The following GRAMD1C variants were observed in gnomAD, a reference collection of about 807,000 sequenced individuals.
GRAMD1C encodes the protein GRAM domain containing 1C, also known as protein Aster-C.
Under a neutral mutation model 97.8 loss-of-function variants are expected in GRAMD1C, and 89 were observed. The observed-to-expected ratio is 0.91, with a 90% confidence interval of 0.77 to 1.09. The LOEUF is 1.09. Ranked by LOEUF, GRAMD1C falls within the 50% of genes least tolerant of loss-of-function variation. GRAMD1C has a pLI of 0.00. For missense variants in GRAMD1C, 740 were observed against 766.4 expected, an observed-to-expected ratio of 0.97 and a Z score of 0.41; for synonymous variants, 256 against 267.0, an observed-to-expected ratio of 0.96 and a Z score of 0.40.
At chr3:113,864,710 G>A (rs935785754) in intron 2 of GRAMD1C, among the ~76,000 whole-genome samples, 1 of 152,132 alleles carries the variant, frequency 6.6e-6, no homozygotes, top group South Asian at 2.1e-4. Flanking sequence ...TTCTACGGAC[G>A]TTCTGTTCAC....
chr3:113,893,535 C>A (rs1389308654), intron 6 of GRAMD1C, among the ~76,000 whole-genome samples: 1 of 152,176 alleles, frequency 6.6e-6, no homozygotes, highest in Non-Finnish European at 1.5e-5. Context: ...ATTACAGTTA[C>A]AATTCTATGG....
chr3:113,889,656 T>TC (rs1935640260), intron 6 of GRAMD1C, among the ~76,000 whole-genome samples: 1 of 151,858 alleles, frequency 6.6e-6, no homozygotes, highest in Non-Finnish European at 1.5e-5. Flanking sequence ...TTTTTTTTTT[T>TC]CGAGATGGAG....
Position 113,892,045 on chromosome 3 carries a change from GT to G in GRAMD1C, c.541-8985del, listed in dbSNP as rs1162577457. ...TTCATTAAAGTACTATAAAATGATAGTAAAATTATGTTTGTGTGCATTTGTT... is the reference window on the plus strand; with the variant it reads ...TTCATTAAAGTACTATAAAATGATAGAAAATTATGTTTGTGTGCATTTGTT... On this transcript the variant is annotated intron_variant, in intron 6 of 17. Transcript: ENST00000358160. 2.6e-5 allele frequency among the ~76,000 whole-genome samples: 4 copies of G among 151,968 alleles called. 1 individual carries two copies. The highest frequency in any genetic ancestry group is 4.4e-5 in the Non-Finnish European group (3 of 68,004).
chr3:113,892,655 C>T (rs1935781678), intron 6 of GRAMD1C, among the ~76,000 whole-genome samples: 1 of 152,158 alleles, frequency 6.6e-6, no homozygotes, highest in African/African-American at 2.4e-5. Flanking sequence ...GCTTAGTTCA[C>T]AGTCTGTGAG....
At position 113,838,921 on chromosome 3, in the gene GRAMD1C, T is replaced by C; in HGVS notation, c.12T>C (p.Ala4=). Residue 4 remains alanine (A), a synonymous_variant, in exon 1 of 18, where the codon GCT becomes GCC. Transcript: ENST00000358160. ...CGGAGGGAGCCGCGATGGAGGGCGCTCCGACTGTCCGTCAGGTAAGCCGCG... is the reference window on the plus strand; with the variant it reads ...CGGAGGGAGCCGCGATGGAGGGCGCCCCGACTGTCCGTCAGGTAAGCCGCG... MEG[A]PTVRQVMNEG... The C allele has an allele frequency of 8.4e-7, 1 of 1,189,454 alleles. No individual in the cohort carries two copies. The highest frequency in any genetic ancestry group is 2.0e-5 in the African/African-American group (1 of 51,176). 73.7% of individuals were successfully genotyped at this position (1,189,454 alleles called of 1,614,324 possible).
intron 6 of GRAMD1C, among the ~76,000 whole-genome samples, chr3:113,893,030 GT>G (rs1242263550): frequency 6.6e-6 from 1 of 152,062 alleles, no homozygotes; most frequent in Non-Finnish European, 1.5e-5. Context: ...CATAAATAAA[GT>G]TTTATTGGAA....
chr3:113,843,202 A>G (rs369580552), intron 1 of GRAMD1C, among the ~76,000 whole-genome samples: 8 of 151,896 alleles, frequency 5.3e-5, no homozygotes, highest in African/African-American at 1.9e-4. Context: ...AGCCTCCTGA[A>G]CAACTGGGAC....
chr3:113,842,931 C>T (rs1559773664), intron 1 of GRAMD1C, among the ~76,000 whole-genome samples: 1 of 150,672 alleles, frequency 6.6e-6, no homozygotes, highest in South Asian at 2.1e-4. Flanking sequence ...CCACTGCACT[C>T]GAGCCTAGGC....
intron 2 of GRAMD1C, among the ~76,000 whole-genome samples, chr3:113,868,304 TTTTG>T (rs1934662018): frequency 6.6e-6 from 1 of 152,172 alleles, no homozygotes; most frequent in Admixed American, 6.5e-5. Flanking sequence ...TATTTCTGTT[TTTTG>T]TTCTGTTTTT....
chr3:113,932,614 A>T (rs559204836), intron 11 of GRAMD1C, among the ~76,000 whole-genome samples: 1 of 152,338 alleles, frequency 6.6e-6, no homozygotes, highest in East Asian at 1.9e-4. Flanking sequence ...TATAATACAC[A>T]TAAGAGATTA....
chr3:113,927,910 A>G (rs1331343746), intron 10 of GRAMD1C, among the ~76,000 whole-genome samples: 2 of 152,162 alleles, frequency 1.3e-5, no homozygotes, highest in Non-Finnish European at 1.5e-5. Flanking sequence ...ATTCCGTTCC[A>G]GGGTCCAAGG....
chr3:113,877,848 G>A (rs186553607), intron 5 of GRAMD1C, among the ~76,000 whole-genome samples: 182 of 151,660 alleles, frequency 1.2e-3, no homozygotes, highest in African/African-American at 4.3e-3. Context: ...TGTGATCTTC[G>A]CTTACTGCAA....
Position 113,939,929 on chromosome 3 carries a change from C to T in GRAMD1C, c.1735C>T (p.Leu579=). The T allele has an allele frequency of 6.2e-7, 1 of 1,609,544 alleles. No homozygotes were observed. Among genetic ancestry groups the T allele is most frequent in the East Asian group, 2.2e-5 (1 of 44,838 alleles). ...VLLNVTLFLK[L]SKIEHAAQSF... ...GTTGAATGTGACACTGTTTCTGAAG[C>T]TGTCAAAGATAGAACATGCTGCTCA... The change falls in exon 16 of 18, where the codon CTG becomes TTG. Residue 579 remains leucine (L), a synonymous_variant. Coordinates refer to ENST00000358160, the MANE Select transcript of GRAMD1C (RefSeq NM_017577.5).
intron 10 of GRAMD1C, among the ~76,000 whole-genome samples, chr3:113,920,779 G>T (rs975811001): frequency 1.3e-4 from 20 of 152,094 alleles, no homozygotes; most frequent in East Asian, 7.7e-4. Context: ...CTGACCTCAG[G>T]TGATCCACCT....
chr3:113,940,434 C>T, intron 17 of GRAMD1C, 89 bp downstream of exon 17: 2 of 750,154 alleles, frequency 2.7e-6, no homozygotes, highest in South Asian at 1.8e-5. Flanking sequence ...ATTTACCCTA[C>T]TATCGTTTGA....
At chr3:113,849,107 T>C (rs1431584707) in intron 2 of GRAMD1C, among the ~76,000 whole-genome samples, 1 of 152,102 alleles carries the variant, frequency 6.6e-6, no homozygotes, top group Admixed American at 6.5e-5. Context: ...CTGCAACATA[T>C]GCATTTATTT....
At chr3:113,894,816 G>A (rs1276956451) in intron 6 of GRAMD1C, among the ~76,000 whole-genome samples, 1 of 152,102 alleles carries the variant, frequency 6.6e-6, no homozygotes, top group Admixed American at 6.6e-5. Context: ...AGATTCAGGG[G>A]TAAAGTAATG....
At position 113,876,153 on chromosome 3, in the gene GRAMD1C, T is replaced by G. The variant is rs1935022352; in HGVS notation, c.364-12T>G. 7.4e-7 allele frequency: 1 copy of G among 1,352,844 alleles called. No individual in the cohort carries two copies. The highest frequency in any genetic ancestry group is 2.3e-5 in the East Asian group (1 of 43,638). The allele number at this position is 1,352,844 out of a possible 1,614,324, so 83.8% of individuals were successfully genotyped here. A position where few individuals can be genotyped will look rare whatever the true frequency, so the allele number is the denominator to read the frequency against. On this transcript the variant is annotated splice_polypyrimidine_tract_variant and intron_variant, in intron 4 of 17. Coordinates refer to ENST00000358160, the MANE Select transcript of GRAMD1C (RefSeq NM_017577.5). ...CTGAAAAATACATTAAAAAAATTTT[T>G]TGTGTGTTTAGATTTCTATTGCTTT...
chr3:113,920,187 A>T (rs953267886), intron 10 of GRAMD1C: 66 of 1,351,732 alleles, frequency 4.9e-5, no homozygotes, highest in Admixed American at 1.9e-4. Flanking sequence ...TCTGCTCAAC[A>T]GCCTGAAATG....
Sources: gnomAD v4.1 joint callset for allele counts (sites outside exome capture counted in the v4.1 genomes callset) on GRCh38, gnomAD v4.1.1 for gene constraint, MANE v1.5 for transcripts, NCBI Gene and HGNC (gene_info 2026-07-23, HGNC 2026-07-21) for gene names.